AHCTF1: variants seen among roughly 807,000 people sequenced by gnomAD.
AHCTF1 encodes protein ELYS.
Under a neutral mutation model 248.4 loss-of-function variants are expected in AHCTF1, and 24 were observed. That is an observed-to-expected ratio of 0.10 (90% confidence interval 0.07 to 0.14). The LOEUF (loss-of-function observed/expected upper bound fraction) is 0.14. AHCTF1 is among the 10% of genes least tolerant of loss of function. AHCTF1 has a pLI of 1.00. For synonymous variants in AHCTF1, 786 were observed against 929.8 expected, an observed-to-expected ratio of 0.85 and a Z score of 2.81; for missense variants, 2,206 against 2,636.2, an observed-to-expected ratio of 0.84 and a Z score of 3.57.
chr1:246,891,337 C>T (rs140803492), intron 15 of AHCTF1, among the ~76,000 whole-genome samples: 333 of 152,220 alleles, frequency 2.2e-3, no homozygotes, highest in Middle Eastern at 0.01. Flanking sequence ...ACCTCAGCTA[C>T]ACTTTCATTT....
intron 1 of AHCTF1, among the ~76,000 whole-genome samples, chr1:246,926,685 G>A (rs1369963222): frequency 2.6e-5 from 4 of 152,010 alleles, no homozygotes; most frequent in Non-Finnish European, 4.4e-5. Context: ...GTGAAATCCC[G>A]TCTCTACTAA....
intron 14 of AHCTF1, among the ~76,000 whole-genome samples, chr1:246,892,779 G>A (rs1664306164): frequency 1.3e-5 from 2 of 151,204 alleles, no homozygotes; most frequent in South Asian, 4.2e-4. Flanking sequence ...CTATAGGCAT[G>A]TGCCACCCTG....
In AHCTF1 at chr1:246,907,777, CAAAT is replaced by C. The variant is rs1018206535; in HGVS notation, c.557-23_557-20del. ...TCAAGATCTAAAACCACAAATTAGA[CAAAT>C]GAAGTTAAAAAACTAGAAACAGCAT... On this transcript the variant is annotated intron_variant, in intron 4 of 35. Transcript: ENST00000648844. 8 of 1,591,912 alleles carry C rather than the reference CAAAT, an allele frequency of 5.0e-6. No homozygotes were observed. In the African/African-American group the frequency reaches 1.1e-4, roughly 22 times the overall value.
chr1:246,881,605 G>A (rs905275792), intron 21 of AHCTF1, among the ~76,000 whole-genome samples: 1 of 152,096 alleles, frequency 6.6e-6, no homozygotes, highest in African/African-American at 2.4e-5. Flanking sequence ...GGGAGGCCGA[G>A]GCGGGCGGAT....
At chr1:246,842,373 G>C (rs1659935019) in intron 35 of AHCTF1, among the ~76,000 whole-genome samples, 1 of 152,008 alleles carries the variant, frequency 6.6e-6, no homozygotes, top group Non-Finnish European at 1.5e-5. Flanking sequence ...CTTGAGACCA[G>C]GAGTTTGAGA....
chr1:246,907,858 T>A (rs1665505564), intron 4 of AHCTF1, 100 bp from the exon 5 acceptor site: 1 of 946,198 alleles, frequency 1.1e-6, no homozygotes, highest in African/African-American at 1.7e-5. Flanking sequence ...GTCAACTGAG[T>A]TAAATGAAGT....
At chr1:246,868,908 G>A (rs901543644) in intron 24 of AHCTF1, among the ~76,000 whole-genome samples, 29 of 145,334 alleles carry the variant, frequency 2.0e-4, no homozygotes, top group Admixed American at 2.8e-4. Context: ...GCAGTGGTGT[G>A]ATCTCGGCTC....
chr1:246,867,921 A>C (rs1293299886), intron 24 of AHCTF1, 110 bp from the exon 25 acceptor site: 11 of 397,880 alleles, frequency 2.8e-5, no homozygotes, highest in Non-Finnish European at 4.2e-5. Context: ...ACACACACAC[A>C]TTACGTGGTA....
chr1:246,902,101 G>T (rs1048648616), intron 8 of AHCTF1, among the ~76,000 whole-genome samples: 1 of 152,102 alleles, frequency 6.6e-6, no homozygotes, highest in Non-Finnish European at 1.5e-5. Context: ...GATAGGGCTG[G>T]ATTACGATAA....
At chr1:246,862,901 AATTT>A (rs1387416099) in intron 27 of AHCTF1, among the ~76,000 whole-genome samples, 7 of 152,348 alleles carry the variant, frequency 4.6e-5, no homozygotes, top group South Asian at 2.1e-4. Flanking sequence ...TTAGCATGTA[AATTT>A]ATTTAGTAGA....
Position 246,849,884 on chromosome 1 carries a change from A to G in AHCTF1, c.6122T>C (p.Val2041Ala). 6.2e-7 allele frequency: 1 copy of G among 1,613,904 alleles called. No individual in the cohort carries two copies. The highest frequency in any genetic ancestry group is 8.5e-7 in the Non-Finnish European group (1 of 1,179,856). The change falls in exon 33 of 36, where the codon GTG becomes GCG. Residue 2041 changes from valine to alanine, a missense_variant. Transcript: ENST00000648844. ...ILVPNEELSMVMSSKKKLTKK... is the reference protein window; with the variant it reads ...ILVPNEELSMAMSSKKKLTKK... ...TGTAAGTTTTTTCTTAGAGCTCATC[A>G]CCATCGAAAGTTCCTCGTTTGGCAC...
chr1:246,858,799 CAAA>C (rs112857397), intron 29 of AHCTF1, among the ~76,000 whole-genome samples: 2 of 130,178 alleles, frequency 1.5e-5, no homozygotes, highest in East Asian at 2.2e-4. Flanking sequence ...AACTCTGTCT[CAAA>C]AAAAAAAAAA....
intron 17 of AHCTF1, among the ~76,000 whole-genome samples, chr1:246,889,341 C>G (rs1256853156): frequency 6.6e-6 from 1 of 152,110 alleles, no homozygotes; most frequent in Non-Finnish European, 1.5e-5. Context: ...TTGCGGTTGT[C>G]CAATGAGCCA....
In AHCTF1 at chr1:246,920,483, T is replaced by C. The variant is rs562760215; in HGVS notation, c.-7-2106A>G. 8.6e-5 allele frequency among the ~76,000 whole-genome samples: 13 copies of C among 151,816 alleles called. No individual in the cohort carries two copies. The South Asian group carries it at 2.7e-3, about 32-fold the overall frequency. ...TATGAATGAATGTCAGAATATATTA[T>C]TAAACCAGCCGGGCGTGGTGGCTCA... On this transcript the variant is annotated intron_variant, in intron 1 of 35. Transcript: ENST00000648844.
Position 246,891,063 on chromosome 1 carries a change from GT to G in AHCTF1, c.1946-4del. ...CTTATTGCTTAAGTCTATCAGTCCT[GT>G]AAAGAAGAGTTAACATCAGTTGTTT... On this transcript the variant is annotated splice_region_variant and splice_polypyrimidine_tract_variant and intron_variant, in intron 15 of 35. Coordinates refer to ENST00000648844, the MANE Select transcript of AHCTF1 (RefSeq NM_001323342.2). The G allele has an allele frequency of 6.5e-7, 1 of 1,536,782 alleles. No individual in the cohort carries two copies. The highest frequency in any genetic ancestry group is 8.7e-7 in the Non-Finnish European group (1 of 1,149,232).
At chr1:246,907,226 A>G (rs1188590834) in intron 5 of AHCTF1, among the ~76,000 whole-genome samples, 2 of 152,158 alleles carry the variant, frequency 1.3e-5, no homozygotes, top group African/African-American at 4.8e-5. Context: ...ATTTTATGAG[A>G]CCCCTTTCTT....
chr1:246,867,897 C>CA (rs1662111142), intron 24 of AHCTF1, 86 bp from the exon 25 acceptor site: 5 of 568,902 alleles, frequency 8.8e-6, no homozygotes, highest in Non-Finnish European at 7.7e-6. Flanking sequence ...TTACACCCCC[C>CA]CCCCCACACA....
At position 246,903,041 on chromosome 1, in the gene AHCTF1, C is replaced by T. The variant is rs1572442149; in HGVS notation, c.967-366G>A. 3.3e-5 allele frequency among the ~76,000 whole-genome samples: 5 copies of T among 152,296 alleles called. 1 individual carries two copies. The highest frequency in any genetic ancestry group is 3.3e-4 in the Admixed American group (5 of 15,302). On this transcript the variant is annotated intron_variant, in intron 7 of 35. Coordinates refer to ENST00000648844, the MANE Select transcript of AHCTF1 (RefSeq NM_001323342.2). Reference sequence around the variant, plus strand: ...TTCTTGCTCTAGAATAGTTCTTAGACTTTTAGCTTATTGATACCTTTAAGA... The same window carrying T: ...TTCTTGCTCTAGAATAGTTCTTAGATTTTTAGCTTATTGATACCTTTAAGA...
chr1:246,930,291 G>C (rs7512439), intron 1 of AHCTF1, among the ~76,000 whole-genome samples: 4,145 of 152,104 alleles, frequency 0.027, 182 homozygotes, highest in African/African-American at 0.092. Flanking sequence ...CGCGCGACTA[G>C]AGGCGCCACC....
Sources: allele counts gnomAD v4.1 joint callset (sites outside exome capture counted in the v4.1 genomes callset), GRCh38; gene constraint gnomAD v4.1.1; transcripts MANE v1.5; gene names NCBI Gene and HGNC (gene_info 2026-07-23, HGNC 2026-07-21).